Variants in DOP1B observed in about 807,000 individuals in gnomAD.
DOP1B encodes DOP1 leucine zipper like protein B, also known as protein DOP1B.
DOP1B carries 174 observed loss-of-function variants against 233.5 expected under a neutral mutation model. The ratio of observed to expected loss-of-function variants is 0.75; its 90% confidence interval spans 0.66 to 0.85. The LOEUF is 0.85. DOP1B is among the 40% of genes least tolerant of loss of function. The pLI, the probability that DOP1B is intolerant of heterozygous loss-of-function variation, is 0.00. For synonymous variants in DOP1B, 1,190 were observed against 1,185.6 expected (o/e 1.00, Z -0.08); for missense variants, 2,652 against 2,846.6 (o/e 0.93, Z 1.56).
At chr21:36,268,793 C>T (rs897087840) in intron 26 of DOP1B, among the ~76,000 whole-genome samples, 12 of 152,186 alleles carry the variant, frequency 7.9e-5, no homozygotes, top group Non-Finnish European at 1.6e-4. Flanking sequence ...CCTCAGCCTC[C>T]CAGGTAGCTG....
At chr21:36,275,234 G>A (rs1014423350) in intron 27 of DOP1B, among the ~76,000 whole-genome samples, 2 of 152,202 alleles carry the variant, frequency 1.3e-5, no homozygotes, top group African/African-American at 4.8e-5. Context: ...CAAGAGAGAG[G>A]AAGGATAATT....
intron 2 of DOP1B, among the ~76,000 whole-genome samples, chr21:36,179,609 G>A (rs143824691): frequency 3.9e-4 from 60 of 152,254 alleles, no homozygotes; most frequent in African/African-American, 1.4e-3. Flanking sequence ...GTCATGGAAC[G>A]ACAATATAAT....
intron 10 of DOP1B, among the ~76,000 whole-genome samples, chr21:36,220,601 A>G (rs2066612974): frequency 6.6e-6 from 1 of 152,026 alleles, no homozygotes; most frequent in Non-Finnish European, 1.5e-5. Flanking sequence ...CCTGGGCTCA[A>G]GCGATCCTCA....
intron 22 of DOP1B, 132 bp from the exon 23 acceptor site, chr21:36,253,640 A>AAAC (rs1467736219): frequency 3.1e-6 from 3 of 967,012 alleles, no homozygotes; most frequent in Non-Finnish European, 4.2e-6. Flanking sequence ...CGTGTTTCAA[A>AAAC]AAAAAAAAAA....
chr21:36,280,961 C>T (rs1179784590), intron 31 of DOP1B, among the ~76,000 whole-genome samples: 1 of 151,818 alleles, frequency 6.6e-6, no homozygotes, highest in African/African-American at 2.4e-5. Context: ...AAGATCGTGC[C>T]ACTGCACTCC....
intron 14 of DOP1B, among the ~76,000 whole-genome samples, chr21:36,231,701 A>G (rs1258114204): frequency 1.4e-5 from 2 of 144,824 alleles, no homozygotes; most frequent in Non-Finnish European, 3.0e-5. Flanking sequence ...TTTTTGAGAC[A>G]GGGTCTGGCT....
intron 2 of DOP1B, among the ~76,000 whole-genome samples, chr21:36,176,771 C>T (rs1239698669): frequency 6.6e-6 from 1 of 152,080 alleles, no homozygotes; most frequent in Non-Finnish European, 1.5e-5. Context: ...CTCTTGGCAC[C>T]AGTATTTAGA....
At position 36,238,204 on chromosome 21, in the gene DOP1B, T is replaced by C. The variant is rs2066849159; in HGVS notation, c.2776-397T>C. ...AATAAAAATAATAATAAACCAATTTTTTTAAAAGAATATATTTTATTGAGA... is the reference window on the plus strand; with the variant it reads ...AATAAAAATAATAATAAACCAATTTCTTTAAAAGAATATATTTTATTGAGA... On this transcript the variant is annotated intron_variant, in intron 16 of 36. Coordinates refer to ENST00000691173, the MANE Select transcript of DOP1B (RefSeq NM_001320714.2). Among the ~76,000 whole-genome samples, 3 of 152,194 alleles carry C rather than the reference T, an allele frequency of 2.0e-5. No homozygotes were observed. In the South Asian group the frequency reaches 6.2e-4, roughly 32 times the overall value.
chr21:36,164,786 C>T lies in DOP1B; in HGVS notation c.53C>T (p.Ser18Phe). 6.2e-7 allele frequency: 1 copy of T among 1,612,478 alleles called. No individual in the cohort carries two copies. The highest frequency in any genetic ancestry group is 8.5e-7 in the Non-Finnish European group (1 of 1,179,346). Residue 18 changes from serine to phenylalanine, a missense_variant, in exon 2 of 37, where the codon TCT (serine) becomes TTT (phenylalanine). By Grantham distance (155) the Ser-to-Phe change is radical. Coordinates refer to ENST00000691173, the MANE Select transcript of DOP1B (RefSeq NM_001320714.2). Reference sequence around the variant, plus strand: ...AATGATTACAGATACAGAAGCTACTCTTCAGTGATTGAAAAGGCTTTGAGA... The same window carrying T: ...AATGATTACAGATACAGAAGCTACTTTTCAGTGATTGAAAAGGCTTTGAGA... ...LLNDYRYRSY[S>F]SVIEKALRNF...
intron 4 of DOP1B, among the ~76,000 whole-genome samples, chr21:36,205,161 T>A (rs1199722592): frequency 6.6e-6 from 1 of 152,226 alleles, no homozygotes; most frequent in East Asian, 1.9e-4. Flanking sequence ...GTTGTCCTTT[T>A]GGCAAGCAGC....
rs144048099 is a variant in DOP1B, at chr21:36,237,089, G to A, written c.2623-173G>A. The stretch of plus-strand genomic sequence containing the variant: ...GCATGAGCCACCGCTCCCAGCCTTT[G>A]GTAGGTTTCTTGCTTTATTTGTTGG... On this transcript the variant is annotated intron_variant, in intron 15 of 36. Coordinates refer to ENST00000691173, the MANE Select transcript of DOP1B (RefSeq NM_001320714.2). Among the ~76,000 whole-genome samples the A allele has an allele frequency of 2.7e-3, 409 of 152,092 alleles. 5 individuals carry two copies. The highest frequency in any genetic ancestry group is 3.1e-3 in the Non-Finnish European group (210 of 67,952).
At chr21:36,261,815 G>A (rs899773974) in intron 24 of DOP1B, 4 of 514,902 alleles carry the variant, frequency 7.8e-6, no homozygotes, top group Non-Finnish European at 7.5e-6. Flanking sequence ...GGAAGCTGAG[G>A]CAGGTGAATC....
chr21:36,248,344 A>G, intron 20 of DOP1B, 36 bp from the exon 21 acceptor site: 2 of 1,604,924 alleles, frequency 1.2e-6, no homozygotes, highest in Non-Finnish European at 1.7e-6. Context: ...CATTCCACAG[A>G]CACAGCCTGC....
chr21:36,253,651 AAGAGATG>A, intron 22 of DOP1B, 114 bp from the exon 23 acceptor site: 1 of 1,186,714 alleles, frequency 8.4e-7, no homozygotes, highest in Admixed American at 2.5e-5. Flanking sequence ...AAAAAAAAAA[AAGAGATG>A]AAAACAGATT....
intron 26 of DOP1B, among the ~76,000 whole-genome samples, chr21:36,265,349 T>G (rs1339981455): frequency 4.6e-5 from 7 of 151,016 alleles, no homozygotes; most frequent in Non-Finnish European, 3.0e-5. Context: ...TGAGCCGAGA[T>G]CTCACCACCG....
intron 16 of DOP1B, 102 bp from the exon 17 acceptor site, chr21:36,238,499 G>T: frequency 8.5e-6 from 8 of 945,640 alleles, no homozygotes; most frequent in Non-Finnish European, 1.4e-5. Flanking sequence ...TGTCAGTTCT[G>T]CTGAAGTCTT....
At chr21:36,196,193 T>G (rs555502249) in intron 2 of DOP1B, among the ~76,000 whole-genome samples, 12 of 152,326 alleles carry the variant, frequency 7.9e-5, no homozygotes, top group African/African-American at 2.9e-4. Flanking sequence ...TTTGGTAGTG[T>G]TAAAAAGAGA....
Position 36,177,649 on chromosome 21 carries a change from T to C in DOP1B, c.138+12778T>C, listed in dbSNP as rs542197213. On this transcript the variant is annotated intron_variant, in intron 2 of 36. Transcript: ENST00000691173. ...CTCGACGTATGGATTAATGCATTGATAGGTTATCCTGGGTGAGGAACTGGT... is the reference window on the plus strand; with the variant it reads ...CTCGACGTATGGATTAATGCATTGACAGGTTATCCTGGGTGAGGAACTGGT... 3.9e-5 allele frequency among the ~76,000 whole-genome samples: 6 copies of C among 152,214 alleles called. No individual in the cohort carries two copies. The East Asian group carries it at 1.2e-3, about 29-fold the overall frequency.
intron 23 of DOP1B, 131 bp downstream of exon 23, chr21:36,254,040 G>C: frequency 8.2e-7 from 1 of 1,217,688 alleles, no homozygotes; most frequent in South Asian, 1.6e-5. Context: ...GCTTGGGGTA[G>C]TGAAGTGGAG....
Sources: gnomAD v4.1 joint callset for allele counts (sites outside exome capture counted in the v4.1 genomes callset) on GRCh38, gnomAD v4.1.1 for gene constraint, MANE v1.5 for transcripts, NCBI Gene and HGNC (gene_info 2026-07-23, HGNC 2026-07-21) for gene names.